The following RAET1E variants were observed in gnomAD, a reference collection of about 807,000 sequenced individuals.
The protein encoded by RAET1E is NKG2D ligand 4.
Under a neutral mutation model 21.1 loss-of-function variants are expected in RAET1E, and 27 were observed. The ratio of observed to expected loss-of-function variants is 1.28; its 90% CI spans 0.94 to 1.76. The LOEUF is 1.76. RAET1E is among the 40% of genes most tolerant of loss of function. The probability of loss-of-function intolerance (pLI) is 0.00; values close to 1 mark genes in which losing one functional copy is unlikely to be tolerated. For synonymous variants in RAET1E, 113 were observed against 115.0 expected, an observed-to-expected ratio of 0.98 and a Z score of 0.11; for missense variants, 310 against 311.3, an observed-to-expected ratio of 1.00 and a Z score of 0.03.
chr6:149,889,276 A>T (rs1777762713), intron 5 of RAET1E, 72 bp downstream of exon 5: 1 of 1,579,248 alleles, frequency 6.3e-7, no homozygotes, highest in African/African-American at 1.4e-5. Flanking sequence ...GCACACACAC[A>T]CTGACACCCA....
chr6:149,889,952 C>T lies in RAET1E; in HGVS notation c.279G>A (p.Thr93=), dbSNP rs772965437. ...TGAGGTCTCGCCCCACTTCTCCCAG[C>T]GTTTGGGTCAATTCTCCCCAAGTGC... The part of the protein sequence containing the change: ...ATSTWGELTQ[T]LGEVGRDLRM... Residue 93 remains threonine, a synonymous_variant, in exon 4 of 6, where the codon ACG becomes ACA. Transcript: ENST00000357183. 1.2e-5 allele frequency: 20 copies of T among 1,613,996 alleles called. 1 individual carries two copies. Among genetic ancestry groups the T allele is most frequent in the Middle Eastern group, 3.3e-4 (2 of 6,084 alleles).
chr6:149,893,102 A>C (rs1777977637), intron 2 of RAET1E, among the ~76,000 whole-genome samples: 1 of 152,194 alleles, frequency 6.6e-6, no homozygotes, highest in Non-Finnish European at 1.5e-5. Context: ...TGGTTACTGT[A>C]GACTTGTAGT....
At chr6:149,890,169 G>A (rs914348029) in intron 3 of RAET1E, 24 bp from the exon 4 acceptor site, 6 of 1,611,848 alleles carry the variant, frequency 3.7e-6, no homozygotes, top group Non-Finnish European at 5.1e-6. Flanking sequence ...ATGCAGGTGA[G>A]GTCCAGGACA....
chr6:149,890,040 T>A lies in RAET1E; in HGVS notation c.191A>T (p.Tyr64Phe). 1 of 1,614,132 alleles carries A rather than the reference T, an allele frequency of 6.2e-7. No homozygotes were observed. The highest frequency in any genetic ancestry group is 8.5e-7 in the Non-Finnish European group (1 of 1,180,036). Reference protein sequence around the residue: ...VFLNKNLFLQYNSDNNMVKPL... With the variant: ...VFLNKNLFLQFNSDNNMVKPL... ...TTTGACCATGTTGTTGTCACTGTTG[T>A]ACTGAAGGAAAAGATTTTTATTCAA... is the stretch of plus-strand genomic sequence containing the variant. The change falls in exon 4 of 6, where the codon TAC (tyrosine) becomes TTC (phenylalanine). Residue 64 changes from tyrosine (Y) to phenylalanine (F), a missense_variant. Coordinates refer to ENST00000357183, the MANE Select transcript of RAET1E (RefSeq NM_001394057.1).
chr6:149,891,340 G>A (rs1389255560), intron 2 of RAET1E, among the ~76,000 whole-genome samples: 4 of 151,570 alleles, frequency 2.6e-5, no homozygotes, highest in East Asian at 1.9e-4. Flanking sequence ...TTCTCCCATC[G>A]CCATTCTCCC....
chr6:149,893,803 GT>G (rs1465562860), intron 2 of RAET1E, among the ~76,000 whole-genome samples: 2 of 152,136 alleles, frequency 1.3e-5, no homozygotes, highest in Non-Finnish European at 2.9e-5. Flanking sequence ...AACGCTTCCA[GT>G]TTTTGCCCAT....
chr6:149,889,984 C>A lies in RAET1E; in HGVS notation c.247G>T (p.Ala83Ser), dbSNP rs1269331583. 1.2e-5 allele frequency: 20 copies of A among 1,614,106 alleles called. No homozygotes were observed. Among genetic ancestry groups the A allele is most frequent in the Admixed American group, 8.3e-5 (5 of 60,004 alleles). The change falls in exon 4 of 6, where the codon GCC (alanine) becomes TCC (serine). Residue 83 changes from alanine (A) to serine (S), a missense_variant. By Grantham distance (99) the Ala-to-Ser change is moderately conservative. Transcript: ENST00000357183. ...PLGLLGKKVY[A>S]TSTWGELTQT... ...GTCAATTCTCCCCAAGTGCTGGTGGCATATACCTTCTTCCCCAGGAGGCCC... is the reference window on the plus strand; with the variant it reads ...GTCAATTCTCCCCAAGTGCTGGTGGAATATACCTTCTTCCCCAGGAGGCCC...
rs9371523 is a variant in RAET1E, at chr6:149,884,271, C to G, written c.*4227G>C. Reference sequence around the variant, plus strand: ...GGGATTATAGATGTGAGCTGCTGTGCCCAGCCCTATCTTTTAAAAAATATG... The same window carrying G: ...GGGATTATAGATGTGAGCTGCTGTGGCCAGCCCTATCTTTTAAAAAATATG... On this transcript the variant is annotated 3_prime_UTR_variant, in exon 6 of 6. Coordinates refer to ENST00000357183, the MANE Select transcript of RAET1E (RefSeq NM_001394057.1). 98,203 of 541,156 alleles carry G rather than the reference C, an allele frequency of 0.18. 12,245 individuals carry two copies. The highest frequency in any genetic ancestry group is 0.56 in the East Asian group (18,813 of 33,360). The allele number at this position is 541,156 out of a possible 1,614,324, so 33.5% of individuals were successfully genotyped here.
At chr6:149,890,597 A>G (rs1777847643) in intron 3 of RAET1E, among the ~76,000 whole-genome samples, 1 of 152,112 alleles carries the variant, frequency 6.6e-6, no homozygotes, top group African/African-American at 2.4e-5. Flanking sequence ...GGCGGGGGGT[A>G]GCATTGTAGA....
chr6:149,884,576 T>G lies in RAET1E; in HGVS notation c.*3922A>C. 1.5e-6 allele frequency: 2 copies of G among 1,340,294 alleles called. No homozygotes were observed. Among genetic ancestry groups the G allele is most frequent in the Non-Finnish European group, 2.1e-6 (2 of 969,704 alleles). 83.0% of individuals were successfully genotyped at this position (1,340,294 alleles called of 1,614,324 possible). The stretch of plus-strand genomic sequence containing the variant: ...TCAGGATTGACCCCTCCGTGATCTC[T>G]CAGGACTCAGATCCCACCTCTCTCT... On this transcript the variant is annotated 3_prime_UTR_variant, in exon 6 of 6. Transcript: ENST00000357183.
At position 149,883,200 on chromosome 6, in the gene RAET1E, A is replaced by G. The variant is rs991541782; in HGVS notation, c.*5298T>C. The stretch of plus-strand genomic sequence containing the variant: ...AAAACAGAGTTGCAAATAAGTTTAT[A>G]ATTTGTAAAGATCTGATAAAAATTA... On this transcript the variant is annotated 3_prime_UTR_variant, in exon 6 of 6. Transcript: ENST00000357183. 6.6e-6 allele frequency among the ~76,000 whole-genome samples: 1 copy of G among 152,196 alleles called. No homozygotes were observed. The highest frequency in any genetic ancestry group is 2.1e-4 in the South Asian group (1 of 4,834).
At chr6:149,891,064 G>T (rs955628389) in intron 2 of RAET1E, 30 bp from the exon 3 acceptor site, 6 of 547,914 alleles carry the variant, frequency 1.1e-5, no homozygotes, top group Non-Finnish European at 2.0e-5. Context: ...GAACAATTTT[G>T]TGAAGAGAGT....
intron 5 of RAET1E, 46 bp from the exon 6 acceptor site, chr6:149,888,713 TAAA>T: frequency 7.7e-7 from 1 of 1,297,920 alleles, no homozygotes; most frequent in Non-Finnish European, 1.0e-6. Flanking sequence ...CCCTGTCACA[TAAA>T]AAAAAAAAGC....
chr6:149,888,774 T>C, intron 5 of RAET1E, 107 bp from the exon 6 acceptor site: 1 of 1,437,888 alleles, frequency 7.0e-7, no homozygotes, highest in Middle Eastern at 2.5e-4. Context: ...GAACACATGG[T>C]GCCCCACATA....
rs1554263145 is a variant in RAET1E, at chr6:149,888,685, A to AG, written c.623-19_623-18insC. 8 of 1,551,824 alleles carry AG rather than the reference A, an allele frequency of 5.2e-6. No individual in the cohort carries two copies. Among genetic ancestry groups the AG allele is most frequent in the East Asian group, 4.6e-5 (2 of 43,120 alleles). The stretch of plus-strand genomic sequence containing the variant: ...TGGTGACACTAAAAAAAAAAAAAAA[A>AG]AGAAAAAAAAGCACAAGCCCTGTCA... On this transcript the variant is annotated intron_variant, in intron 5 of 5. Coordinates refer to ENST00000357183, the MANE Select transcript of RAET1E (RefSeq NM_001394057.1).
chr6:149,890,085 C>T lies in RAET1E; in HGVS notation c.146G>A (p.Trp49Ter). Reference protein sequence around the residue: ...IKSLSRPGQPWCEAQVFLNKN... With the variant: ...IKSLSRPGQP ...ATTCAAGAAGACCTGCGCTTCACAC[C>T]AGGGCTGTCCAGGTCTGGACAATGA... Residue 49 changes from tryptophan to a stop codon, truncating the protein, a stop_gained, in exon 4 of 6, where the codon TGG becomes TAG. Coordinates refer to ENST00000357183, the MANE Select transcript of RAET1E (RefSeq NM_001394057.1). LOFTEE classifies it high-confidence loss of function. The T allele has an allele frequency of 6.2e-7, 1 of 1,613,854 alleles. No individual in the cohort carries two copies. Among genetic ancestry groups the T allele is most frequent in the South Asian group, 1.1e-5 (1 of 91,042 alleles).
intron 2 of RAET1E, among the ~76,000 whole-genome samples, chr6:149,894,213 T>G (rs139982337): frequency 3.3e-4 from 51 of 152,310 alleles, no homozygotes; most frequent in African/African-American, 1.2e-3. Context: ...ATAAAATGAG[T>G]TAGGGAGGAT....
In RAET1E at chr6:149,890,820, C is replaced by T; in HGVS notation, c.82G>A (p.Val28Ile). 1.2e-6 allele frequency: 2 copies of T among 1,610,928 alleles called. No individual in the cohort carries two copies. The highest frequency in any genetic ancestry group is 1.7e-6 in the Non-Finnish European group (2 of 1,177,240). ...TTCTTGTGCTCAGGACACTCACCAA[C>T]CATGATCTCCAAGGCTATTAGTAGC... Reference protein sequence around the residue: ...LLLLIALEIMVGGHSLCFNFT... With the variant: ...LLLLIALEIMIGGHSLCFNFT... The change falls in exon 3 of 6, where the codon GTT becomes ATT. Residue 28 changes from valine (V) to isoleucine (I), a missense_variant. Physicochemically the swap from Val to Ile is conservative, Grantham distance 29. Coordinates refer to ENST00000357183, the MANE Select transcript of RAET1E (RefSeq NM_001394057.1).
rs1777518478 is a variant in RAET1E at position 149,884,375 on chromosome 6, C to A, written c.*4123G>T. 1.0e-6 allele frequency: 1 copy of A among 986,226 alleles called. No homozygotes were observed. The highest frequency in any genetic ancestry group is 2.0e-5 in the Admixed American group (1 of 49,704). The allele number at this position is 986,226 out of a possible 1,614,324, so 61.1% of individuals were successfully genotyped here. On this transcript the variant is annotated 3_prime_UTR_variant, in exon 6 of 6. Coordinates refer to ENST00000357183, the MANE Select transcript of RAET1E (RefSeq NM_001394057.1). ...CTGGAATGCAGAGGCGCGATCTCCG[C>A]TCATTGCAGGCTCCGCCTCCACTTG... is the stretch of plus-strand genomic sequence containing the variant.
Sources: gnomAD v4.1 joint callset for allele counts (sites outside exome capture counted in the v4.1 genomes callset) on GRCh38, gnomAD v4.1.1 for gene constraint, MANE v1.5 for transcripts, NCBI Gene and HGNC (gene_info 2026-07-23, HGNC 2026-07-21) for gene names.